The following CENPM variants were observed in gnomAD, a reference collection of about 807,000 sequenced individuals.
The protein encoded by CENPM is interphase centromere complex protein 39.
In CENPM, 14 loss-of-function variants were observed where a neutral mutation model predicts 19.6. That is an observed-to-expected ratio of 0.71 (90% confidence interval 0.47 to 1.11). The LOEUF (loss-of-function observed/expected upper bound fraction) is 1.11. Ranked by LOEUF, CENPM falls within the 50% of genes most tolerant of loss-of-function variation. The pLI is 0.00. For missense variants in CENPM, 239 were observed against 228.4 expected (o/e 1.05, Z -0.30); for synonymous variants, 114 against 101.5 (o/e 1.12, Z -0.74).
the CENPM span, among the ~76,000 whole-genome samples, chr22:41,928,552 G>T: frequency 1.3e-5 from 2 of 152,172 alleles, no homozygotes; most frequent in African/African-American, 4.8e-5. The surrounding 1 kb of genome is among the most constrained non-coding windows in gnomAD (Gnocchi z 4.0). Flanking sequence ...GCTGGGGAGG[G>T]AGCCTGGGGG....
chr22:41,929,205 T>C, the CENPM span, among the ~76,000 whole-genome samples: 20 of 151,988 alleles, frequency 1.3e-4, no homozygotes, highest in African/African-American at 4.6e-4. Context: ...AAGGCCTCTC[T>C]GTGAGGCAGA....
chr22:41,933,838 G>A (rs116662911), downstream of CENPM, among the ~76,000 whole-genome samples: 2,136 of 152,318 alleles, frequency 0.014, 54 homozygotes, highest in African/African-American at 0.047. Flanking sequence ...CCTGATGCGT[G>A]TGGGTTGGGG....
At chr22:41,929,688 TG>T in the CENPM span, among the ~76,000 whole-genome samples, 1 of 151,606 alleles carries the variant, frequency 6.6e-6, no homozygotes, top group Non-Finnish European at 1.5e-5. Context: ...AAATGTTTGC[TG>T]GGCGCTCCCT....
At position 41,945,210 on chromosome 22, in the gene CENPM, G is replaced by A. The variant is rs767650101; in HGVS notation, c.310+15C>T. The A allele has an allele frequency of 2.1e-5, 34 of 1,613,756 alleles. No homozygotes were observed. The Middle Eastern group carries it at 2.1e-3, about 101-fold the overall frequency. Reference sequence around the variant, plus strand: ...TGGCTGGGGGTGGGCAGTAACAGGCGAGGAACGTACTTACCACCTGTGGCG... The same window carrying A: ...TGGCTGGGGGTGGGCAGTAACAGGCAAGGAACGTACTTACCACCTGTGGCG... On this transcript the variant is annotated intron_variant, in intron 4 of 5. Transcript: ENST00000215980.
chr22:41,945,369 G>T (rs1423906266), intron 3 of CENPM, 65 bp from the exon 4 acceptor site: 2 of 1,602,188 alleles, frequency 1.2e-6, no homozygotes, highest in Non-Finnish European at 1.7e-6. Flanking sequence ...GGAGAAAGCA[G>T]AAGTCCTTGC....
At chr22:41,941,977 T>G (rs992913788) in intron 5 of CENPM, among the ~76,000 whole-genome samples, 1 of 152,208 alleles carries the variant, frequency 6.6e-6, no homozygotes, top group Admixed American at 6.5e-5. Flanking sequence ...CTCTGAATTC[T>G]GCCCTTAGAC....
chr22:41,931,165 C>T, the CENPM span, among the ~76,000 whole-genome samples: 2 of 149,354 alleles, frequency 1.3e-5, no homozygotes, highest in African/African-American at 4.9e-5. Context: ...TCACTGAATA[C>T]TCTTTTTAAA....
the CENPM span, among the ~76,000 whole-genome samples, chr22:41,933,432 G>A: frequency 6.6e-6 from 1 of 152,172 alleles, no homozygotes; most frequent in Non-Finnish European, 1.5e-5. Flanking sequence ...GGAGGAGGAG[G>A]GCTGGGGGAC....
chr22:41,933,700 TCA>T, the CENPM span, among the ~76,000 whole-genome samples: 1 of 152,150 alleles, frequency 6.6e-6, no homozygotes, highest in African/African-American at 2.4e-5. Context: ...AGACATTCTT[TCA>T]CAGAGACTCT....
chr22:41,931,146 A>G, the CENPM span, among the ~76,000 whole-genome samples: 1 of 151,236 alleles, frequency 6.6e-6, no homozygotes, highest in Non-Finnish European at 1.5e-5. Context: ...ACCATGCTCT[A>G]CTTTTAATTC....
chr22:41,927,222 G>C, the CENPM span, among the ~76,000 whole-genome samples: 2 of 152,078 alleles, frequency 1.3e-5, no homozygotes, highest in African/African-American at 4.8e-5. Flanking sequence ...ACCCGGCCTG[G>C]CCTCTCTTTC....
chr22:41,945,447 ATTTTTTTTTTTTTTT>A, intron 3 of CENPM, 143 bp from the exon 4 acceptor site: 1 of 1,099,752 alleles, frequency 9.1e-7, no homozygotes, highest in Non-Finnish European at 1.2e-6. Flanking sequence ...TTGTCCTTTA[ATTTTTTTTTTTTTTT>A]TTTTTTTAGA....
At chr22:41,938,510 C>A (rs573696357), downstream of CENPM, among the ~76,000 whole-genome samples, 1 of 151,990 alleles carries the variant, frequency 6.6e-6, no homozygotes, top group Non-Finnish European at 1.5e-5. Flanking sequence ...GGACTACAGG[C>A]GCCCACCACC....
chr22:41,944,940 CTTTTA>C (rs909540788), intron 4 of CENPM: 5 of 1,250,930 alleles, frequency 4.0e-6, no homozygotes, highest in Non-Finnish European at 4.0e-6. Flanking sequence ...TTAAATTTAA[CTTTTA>C]TTTTAAGTTC....
downstream of CENPM, among the ~76,000 whole-genome samples, chr22:41,936,059 G>A (rs1050741224): frequency 9.2e-5 from 14 of 152,072 alleles, no homozygotes; most frequent in Non-Finnish European, 1.5e-4. Flanking sequence ...TAGTAAAGGC[G>A]GGGTTTCACC....
At chr22:41,946,600 A>C in intron 1 of CENPM, 104 bp from the exon 2 acceptor site, 1 of 937,756 alleles carries the variant, frequency 1.1e-6, no homozygotes, top group South Asian at 1.5e-5. Context: ...CACCGCCAGC[A>C]GGCGGCTCGG....
Position 41,946,476 on chromosome 22 carries a change from A to G in CENPM, c.78T>C (p.Ala26=). 1 of 1,613,258 alleles carries G rather than the reference A, an allele frequency of 6.2e-7. No individual in the cohort carries two copies. Among genetic ancestry groups the G allele is most frequent in the South Asian group, 1.1e-5 (1 of 91,056 alleles). ...TCGAGTCCGCCAGCTGCTGCAGAAG[A>G]GCATCCTCCGTGCCCACCAGCTGCG... is the stretch of plus-strand genomic sequence containing the variant. The part of the protein sequence containing the change: ...ATILLVGTED[A]LLQQLADSML... Residue 26 remains alanine (A), a synonymous_variant, in exon 2 of 6, where the codon GCT becomes GCC. Transcript: ENST00000215980.
downstream of CENPM, among the ~76,000 whole-genome samples, chr22:41,935,729 C>G (rs938670184): frequency 2.0e-5 from 3 of 152,236 alleles, no homozygotes; most frequent in African/African-American, 7.2e-5. Context: ...ATCCTGCCAC[C>G]CCCTGCCCTC....
the CENPM span, among the ~76,000 whole-genome samples, chr22:41,929,639 G>A: frequency 6.6e-6 from 1 of 152,226 alleles, no homozygotes; most frequent in East Asian, 1.9e-4. Context: ...CAGCTGCTAA[G>A]AGCAGCAGAC....
Sources: allele counts gnomAD v4.1 joint callset (sites outside exome capture counted in the v4.1 genomes callset), GRCh38; gene constraint gnomAD v4.1.1; non-coding constraint Gnocchi (gnomAD v3.1); transcripts MANE v1.5; gene names NCBI Gene and HGNC (gene_info 2026-07-23, HGNC 2026-07-21).